Variants in PTPN21 observed in about 807,000 individuals in gnomAD.
The protein encoded by PTPN21 is protein tyrosine phosphatase non-receptor type 21.
Under a neutral mutation model 131.8 loss-of-function variants are expected in PTPN21, and 77 were observed. That is an observed-to-expected ratio of 0.58 (90% CI 0.49 to 0.71). The LOEUF is 0.71. Ranked by LOEUF, PTPN21 falls within the 30% of genes least tolerant of loss-of-function variation. The pLI, the probability that PTPN21 is intolerant of heterozygous loss-of-function variation, is 0.00. For missense variants in PTPN21, 1,552 were observed against 1,527.1 expected, an observed-to-expected ratio of 1.02 and a Z score of -0.27; for synonymous variants, 715 against 621.3, an observed-to-expected ratio of 1.15 and a Z score of -2.24.
In PTPN21 at chr14:88,469,473, C is replaced by T. The variant is rs746687013; in HGVS notation, c.3235+26G>A. The T allele has an allele frequency of 1.3e-6, 2 of 1,568,832 alleles. No homozygotes were observed. The highest frequency in any genetic ancestry group is 1.8e-6 in the Non-Finnish European group (2 of 1,139,262). On this transcript the variant is annotated intron_variant, in intron 17 of 18. Coordinates refer to ENST00000556564, the MANE Select transcript of PTPN21 (RefSeq NM_007039.4). This position sits in a 1 kb window ranked among gnomAD's most constrained non-coding sequence, Gnocchi z 4.3. ...TTTAACACCTCCAGAGGCAGCTGTC[C>T]TCGGAACAAAGTTAAAGTCACTCAC...
At position 88,468,915 on chromosome 14, in the gene PTPN21, C is replaced by T; in HGVS notation, c.3396+1G>A. ...GGCCAGGTGATCATAAGCGCCATCACCTCATTGTGTTCCAGGCAGGCGATC... is the reference window on the plus strand; with the variant it reads ...GGCCAGGTGATCATAAGCGCCATCATCTCATTGTGTTCCAGGCAGGCGATC... On this transcript the variant is annotated splice_donor_variant, in intron 18 of 18. Coordinates refer to ENST00000556564, the MANE Select transcript of PTPN21 (RefSeq NM_007039.4). LOFTEE classifies it high-confidence loss of function. 4 of 1,614,084 alleles carry T rather than the reference C, an allele frequency of 2.5e-6. No individual in the cohort carries two copies. Among genetic ancestry groups the T allele is most frequent in the Non-Finnish European group, 3.4e-6 (4 of 1,179,992 alleles).
intron 2 of PTPN21, among the ~76,000 whole-genome samples, chr14:88,546,680 C>T (rs929187419): frequency 4.6e-5 from 7 of 151,976 alleles, no homozygotes; most frequent in African/African-American, 1.7e-4. Context: ...CAAAGTTTTC[C>T]ACCCAAATCT....
chr14:88,482,067 TGA>T (rs1428175520), intron 12 of PTPN21, among the ~76,000 whole-genome samples: 1 of 152,194 alleles, frequency 6.6e-6, no homozygotes, highest in African/African-American at 2.4e-5. Context: ...ATTACTTCCC[TGA>T]GAGTTTGGAA....
chr14:88,507,270 C>T (rs910850840), intron 4 of PTPN21, among the ~76,000 whole-genome samples: 2 of 152,150 alleles, frequency 1.3e-5, no homozygotes, highest in Admixed American at 1.3e-4. Context: ...GAATACATAG[C>T]ATAGTATTAA....
chr14:88,519,259 A>G (rs913564729), intron 2 of PTPN21, among the ~76,000 whole-genome samples: 3 of 152,226 alleles, frequency 2.0e-5, no homozygotes, highest in Non-Finnish European at 4.4e-5. Context: ...GATTAAGACA[A>G]TTGGAAAATC....
chr14:88,505,136 A>G lies in PTPN21; in HGVS notation c.516+168T>C, dbSNP rs75398841. Among the ~76,000 whole-genome samples, 245 of 152,332 alleles carry G rather than the reference A, an allele frequency of 1.6e-3. 9 individuals carry two copies. The South Asian group carries it at 0.045, about 28-fold the overall frequency. ...CTGTGGGTTCACAAGGACCAAGATG[A>G]CTACAACAGGGAAAGCAGTCACACT... On this transcript the variant is annotated intron_variant, in intron 5 of 18. Transcript: ENST00000556564.
intron 1 of PTPN21, among the ~76,000 whole-genome samples, chr14:88,550,883 A>C (rs1343925788): frequency 1.3e-5 from 2 of 152,220 alleles, no homozygotes; most frequent in Non-Finnish European, 2.9e-5. Context: ...AGCCAGCACT[A>C]CTATAATCCC....
chr14:88,504,541 T>G (rs368901600), intron 5 of PTPN21, 46 bp from the exon 6 acceptor site: 65 of 1,482,084 alleles, frequency 4.4e-5, no homozygotes, highest in Non-Finnish European at 5.8e-5. Context: ...TCACCCCAAT[T>G]TCTTAGAAGG....
chr14:88,548,121 C>T (rs1429704038), intron 2 of PTPN21, among the ~76,000 whole-genome samples: 2 of 152,130 alleles, frequency 1.3e-5, no homozygotes, highest in African/African-American at 4.8e-5. Flanking sequence ...AGGTCCTGAT[C>T]CAGATTCCAA....
chr14:88,534,184 G>A (rs2078594759), intron 2 of PTPN21, among the ~76,000 whole-genome samples: 1 of 149,166 alleles, frequency 6.7e-6, no homozygotes, highest in Non-Finnish European at 1.5e-5. Context: ...GATCAGCCTG[G>A]CCAACGCGGC....
At chr14:88,492,016 T>C (rs1416030158) in intron 10 of PTPN21, among the ~76,000 whole-genome samples, 2 of 142,760 alleles carry the variant, frequency 1.4e-5, no homozygotes, top group African/African-American at 5.3e-5. Context: ...TTATTACAAG[T>C]TGTTAATTTG....
chr14:88,497,175 T>G, intron 9 of PTPN21, 28 bp downstream of exon 9: 1 of 1,538,652 alleles, frequency 6.5e-7, no homozygotes, highest in Non-Finnish European at 9.0e-7. Context: ...GGAAAAACAT[T>G]CCATGCAGAC....
At chr14:88,510,630 C>G (rs994643446) in intron 3 of PTPN21, among the ~76,000 whole-genome samples, 5 of 152,296 alleles carry the variant, frequency 3.3e-5, no homozygotes, top group African/African-American at 7.2e-5. Context: ...CAGGAGCCAG[C>G]CTGCTTGAGT....
chr14:88,488,265 G>A (rs1047295534), intron 10 of PTPN21, among the ~76,000 whole-genome samples: 1 of 152,174 alleles, frequency 6.6e-6, no homozygotes, highest in South Asian at 2.1e-4. Context: ...ACCCAAGGAT[G>A]CAGAGCTTCA....
rs2077723283 is a variant in PTPN21 at position 88,485,818 on chromosome 14, G to A, written c.957C>T (p.Asn319=). The A allele has an allele frequency of 6.2e-7, 1 of 1,608,678 alleles. No individual in the cohort carries two copies. Among genetic ancestry groups the A allele is most frequent in the Non-Finnish European group, 8.5e-7 (1 of 1,175,616 alleles). Residue 319 remains asparagine, a synonymous_variant, in exon 11 of 19, where the codon AAC becomes AAT. Transcript: ENST00000556564. Reference sequence around the variant, plus strand: ...TTGAAGAAGACCTCCTCCTGATTGGGTTCACTGTGACAGTCTGAGTTTGCC... The same window carrying A: ...TTGAAGAAGACCTCCTCCTGATTGGATTCACTGTGACAGTCTGAGTTTGCC... ...CNLQTQTVTV[N]PIRRRSSSRM... is the part of the protein sequence containing the mutation.
chr14:88,470,188 A>T, intron 15 of PTPN21, 138 bp from the exon 16 acceptor site: 1 of 740,214 alleles, frequency 1.4e-6, no homozygotes, highest in Middle Eastern at 3.8e-4. Flanking sequence ...ATTATTCAGC[A>T]GAATAAGGAA....
intron 8 of PTPN21, chr14:88,499,256 G>A (rs2077971689): frequency 1.3e-5 from 2 of 152,210 alleles, no homozygotes; most frequent in Non-Finnish European, 2.9e-5. Flanking sequence ...CCCAAGTGAT[G>A]CGTACTCTCT....
chr14:88,520,794 G>A (rs905181972), intron 2 of PTPN21, among the ~76,000 whole-genome samples: 1 of 152,186 alleles, frequency 6.6e-6, no homozygotes, highest in African/African-American at 2.4e-5. Flanking sequence ...ATCCTGTCAT[G>A]AGGATTGGAT....
intron 12 of PTPN21, 116 bp downstream of exon 12, chr14:88,484,960 T>C (rs2077710952): frequency 2.6e-6 from 2 of 762,156 alleles, no homozygotes; most frequent in Non-Finnish European, 4.6e-6. Flanking sequence ...ATTATCATGA[T>C]GCAATTTGGG....
Sources: allele counts gnomAD v4.1 joint callset (sites outside exome capture counted in the v4.1 genomes callset), GRCh38; gene constraint gnomAD v4.1.1; non-coding constraint Gnocchi (gnomAD v3.1); transcripts MANE v1.5; gene names NCBI Gene and HGNC (gene_info 2026-07-23, HGNC 2026-07-21).